Variants in SCN9A observed in about 807,000 individuals in gnomAD.
The protein encoded by SCN9A is sodium channel protein type 9 subunit alpha.
Under a neutral mutation model 187.0 loss-of-function variants are expected in SCN9A, and 131 were observed. The ratio of observed to expected loss-of-function variants is 0.70; its 90% CI spans 0.61 to 0.81. The LOEUF (loss-of-function observed/expected upper bound fraction) is 0.81. SCN9A is among the 30% of genes least tolerant of loss of function. The pLI is 0.00. For synonymous variants in SCN9A, 809 were observed against 808.6 expected, an observed-to-expected ratio of 1.00 and a Z score of -0.01; for missense variants, 2,252 against 2,396.6, an observed-to-expected ratio of 0.94 and a Z score of 1.26.
intron 1 of SCN9A, among the ~76,000 whole-genome samples, chr2:166,322,462 A>G (rs1699268169): frequency 1.3e-5 from 2 of 152,146 alleles, no homozygotes; most frequent in African/African-American, 4.8e-5. Context: ...TCTGAGCCTA[A>G]GATTCCTAGT....
intron 1 of SCN9A, among the ~76,000 whole-genome samples, chr2:166,321,728 C>G (rs573832648): frequency 6.6e-6 from 1 of 151,002 alleles, no homozygotes; most frequent in South Asian, 2.1e-4. Context: ...CTTTTTAATT[C>G]TCAACATTTT....
chr2:166,348,513 C>T (rs912387566), intron 1 of SCN9A, among the ~76,000 whole-genome samples: 2 of 152,170 alleles, frequency 1.3e-5, no homozygotes, highest in African/African-American at 4.8e-5. Flanking sequence ...TCTGTACTAT[C>T]ACAATGGTCT....
intron 24 of SCN9A, among the ~76,000 whole-genome samples, chr2:166,223,878 A>G (rs1268557460): frequency 6.6e-6 from 1 of 152,178 alleles, no homozygotes; most frequent in Non-Finnish European, 1.5e-5. Flanking sequence ...AGTGTTGGTC[A>G]TGTTTTTTCA....
chr2:166,244,118 T>C (rs1023433113), intron 18 of SCN9A, among the ~76,000 whole-genome samples: 1 of 152,042 alleles, frequency 6.6e-6, no homozygotes, highest in Admixed American at 6.6e-5. Context: ...CAGGTAATGA[T>C]TTTGAGATGC....
At chr2:166,314,775 A>G (rs533104605) in intron 1 of SCN9A, among the ~76,000 whole-genome samples, 1 of 152,250 alleles carries the variant, frequency 6.6e-6, no homozygotes, top group South Asian at 2.1e-4. Context: ...AATGTAGAGT[A>G]TTTTTTGTCA....
At chr2:166,345,107 G>A (rs1363653790) in intron 1 of SCN9A, among the ~76,000 whole-genome samples, 1 of 152,080 alleles carries the variant, frequency 6.6e-6, no homozygotes, top group African/African-American at 2.4e-5. Context: ...GGCTTCAGTA[G>A]AGTCTTTAAC....
chr2:166,276,031 C>A (rs1340375509), intron 16 of SCN9A, among the ~76,000 whole-genome samples: 2 of 152,082 alleles, frequency 1.3e-5, no homozygotes, highest in Admixed American at 6.6e-5. Context: ...TGATGTCAAG[C>A]TGACCAACTG....
At chr2:166,340,606 TTCTTTCTTTCTTTC>T (rs1559051201) in intron 1 of SCN9A, among the ~76,000 whole-genome samples, 131 of 62,508 alleles carry the variant, frequency 2.1e-3, no homozygotes, top group Non-Finnish European at 3.3e-3. Flanking sequence ...TTCTTTCTTT[TTCTTTCTTTCTTTC>T]CTTTCTCTTC....
At chr2:166,233,230 C>A in intron 21 of SCN9A, 110 bp downstream of exon 21, 1 of 697,194 alleles carries the variant, frequency 1.4e-6, no homozygotes, top group Non-Finnish European at 2.2e-6. Context: ...CATAAACAGC[C>A]TATGTATTTA....
intron 22 of SCN9A, 107 bp downstream of exon 22, chr2:166,228,584 C>G: frequency 8.9e-7 from 1 of 1,124,034 alleles, no homozygotes; most frequent in Non-Finnish European, 1.3e-6. Flanking sequence ...AAAAACCACA[C>G]AGTATTTTAT....
rs534192395 is a variant in SCN9A, at chr2:166,275,450, A to G, written c.2874+1533T>C. On this transcript the variant is annotated intron_variant, in intron 16 of 26. Transcript: ENST00000642356. ...AAATACAAAAATTAGCTGGCACGGT[A>G]GCATGCACCTGTAATCTCAGCTACT... Among the ~76,000 whole-genome samples the G allele has an allele frequency of 2.0e-5, 3 of 151,796 alleles. No homozygotes were observed. In the East Asian group the frequency reaches 5.8e-4, roughly 30 times the overall value.
chr2:166,287,334 G>C (rs749157078), intron 10 of SCN9A, among the ~76,000 whole-genome samples: 1 of 150,882 alleles, frequency 6.6e-6, no homozygotes, highest in African/African-American at 2.4e-5. Flanking sequence ...AGATTGTATC[G>C]GACTATATTA....
Position 166,278,192 on chromosome 2 carries a change from T to G in SCN9A, c.2465A>C (p.Glu822Ala), listed in dbSNP as rs755799553. The G allele has an allele frequency of 4.3e-6, 7 of 1,613,018 alleles. No homozygotes were observed. The highest frequency in any genetic ancestry group is 1.3e-5 in the African/African-American group (1 of 74,856). The stretch of plus-strand genomic sequence containing the variant: ...TCCTTCCACATCTGCTAGAAAGAGC[T>G]CCACTAAACTTAAAGTCACAATAAG... ...DSLIVTLSLV[E>A]LFLADVEGLS... Residue 822 changes from glutamate (E) to alanine (A), a missense_variant, in exon 15 of 27, where the codon GAG (glutamate) becomes GCG (alanine). This residue lies in a region of SCN9A where 1,013 missense variants were observed against 997.4 expected (regional missense o/e 1.02). Coordinates refer to ENST00000642356, the MANE Select transcript of SCN9A (RefSeq NM_001365536.1).
chr2:166,264,750 T>G lies in SCN9A; in HGVS notation c.3351+7649A>C, dbSNP rs1014796276. Reference sequence around the variant, plus strand: ...GCTAGGTCATAAAAGAGAGGGTTTTTGGGTAGGGAGAAGAGAGGGAGAGAT... The same window carrying G: ...GCTAGGTCATAAAAGAGAGGGTTTTGGGGTAGGGAGAAGAGAGGGAGAGAT... On this transcript the variant is annotated intron_variant, in intron 17 of 26. Coordinates refer to ENST00000642356, the MANE Select transcript of SCN9A (RefSeq NM_001365536.1). 3.3e-5 allele frequency among the ~76,000 whole-genome samples: 5 copies of G among 151,914 alleles called. No homozygotes were observed. The East Asian group carries it at 5.8e-4, about 18-fold the overall frequency.
At chr2:166,334,444 C>T (rs1256967204) in intron 1 of SCN9A, among the ~76,000 whole-genome samples, 6 of 152,040 alleles carry the variant, frequency 3.9e-5, no homozygotes, top group African/African-American at 1.4e-4. Context: ...CACCTTTATG[C>T]AAATATCCAC....
At chr2:166,293,742 T>A (rs979108156) in intron 8 of SCN9A, among the ~76,000 whole-genome samples, 2 of 152,212 alleles carry the variant, frequency 1.3e-5, no homozygotes, top group African/African-American at 4.8e-5. Flanking sequence ...TTGTGATAGT[T>A]CTTGGTTCAG....
intron 7 of SCN9A, among the ~76,000 whole-genome samples, chr2:166,296,701 A>G (rs1438275711): frequency 6.6e-6 from 1 of 152,196 alleles, no homozygotes; most frequent in African/African-American, 2.4e-5. Flanking sequence ...AGAATGATGA[A>G]AGGTAAAGCA....
chr2:166,209,580 C>T lies in SCN9A; in HGVS notation c.4399-5116G>A, dbSNP rs1483738955. Among the ~76,000 whole-genome samples the T allele has an allele frequency of 4.1e-5, 6 of 145,198 alleles. No homozygotes were observed. In the East Asian group the frequency reaches 1.3e-3, roughly 30 times the overall value. ...ACTCCCTAGAGGATTCAATAGCAGA[C>T]TTGATCAAACTGGAGAAAGAATCAA... On this transcript the variant is annotated intron_variant, in intron 24 of 26. Coordinates refer to ENST00000642356, the MANE Select transcript of SCN9A (RefSeq NM_001365536.1).
chr2:166,335,896 T>C (rs540258346), intron 1 of SCN9A, among the ~76,000 whole-genome samples: 13 of 152,224 alleles, frequency 8.5e-5, no homozygotes, highest in African/African-American at 3.1e-4. Flanking sequence ...AGTCTGAGCA[T>C]GTACAGAGTT....
Sources: gnomAD v4.1 joint callset for allele counts (sites outside exome capture counted in the v4.1 genomes callset) on GRCh38, gnomAD v4.1.1 for gene constraint, gnomAD v4.1.1 regional missense constraint, MANE v1.5 for transcripts, NCBI Gene and HGNC (gene_info 2026-07-23, HGNC 2026-07-21) for gene names.